Variants in AKIRIN2 observed in about 807,000 individuals in gnomAD.
AKIRIN2 encodes akirin 2, also known as akirin-2.
AKIRIN2 carries 6 observed loss-of-function variants against 29.3 expected under a neutral mutation model. The ratio of observed to expected loss-of-function variants is 0.20; its 90% CI spans 0.11 to 0.40. The LOEUF is 0.40. Ranked by LOEUF, AKIRIN2 falls within the 10% of genes least tolerant of loss-of-function variation. The probability of loss-of-function intolerance (pLI) is 1.00; values close to 1 mark genes in which losing one functional copy is unlikely to be tolerated. For missense variants in AKIRIN2, 210 were observed against 276.1 expected (o/e 0.76, Z 1.70); for synonymous variants, 128 against 117.5 (o/e 1.09, Z -0.58).
chr6:87,677,514 C>T (rs973469861), intron 3 of AKIRIN2, among the ~76,000 whole-genome samples: 4 of 152,094 alleles, frequency 2.6e-5, no homozygotes, highest in African/African-American at 2.4e-5. Flanking sequence ...TTGATGGTAA[C>T]GTTATGAAAA....
intron 1 of AKIRIN2, among the ~76,000 whole-genome samples, chr6:87,687,724 G>T (rs970014744): frequency 1.3e-5 from 2 of 152,198 alleles, no homozygotes. Context: ...GCAGGTAAAT[G>T]TAAGTTTTAC....
chr6:87,675,290 A>C lies in AKIRIN2; in HGVS notation c.*307T>G. ...ACAGTTTTATTTACACAACCAGTGA[A>C]GGGCATGTTCTAGAATACCAGCTTT... is the stretch of plus-strand genomic sequence containing the variant. On this transcript the variant is annotated 3_prime_UTR_variant, in exon 5 of 5. Transcript: ENST00000257787. 1 of 404,010 alleles carries C rather than the reference A, an allele frequency of 2.5e-6. No homozygotes were observed. The highest frequency in any genetic ancestry group is 3.9e-5 in the Admixed American group (1 of 25,592). The allele number at this position is 404,010 out of a possible 1,614,324, so 25.0% of individuals were successfully genotyped here. A position where few individuals can be genotyped will look rare whatever the true frequency, so the allele number is the denominator to read the frequency against.
rs112811646 is a variant in AKIRIN2, at chr6:87,678,137, C to A, written c.380-170G>T. Among the ~76,000 whole-genome samples the A allele has an allele frequency of 7.2e-5, 11 of 152,248 alleles. 1 individual carries two copies. The highest frequency in any genetic ancestry group is 2.6e-4 in the African/African-American group (11 of 41,532). The stretch of plus-strand genomic sequence containing the variant: ...TCTTAAAACAACCAAAATAATAATT[C>A]CATCAGCTGGTGACGCTGGAAAAAC... On this transcript the variant is annotated intron_variant, in intron 2 of 4. Transcript: ENST00000257787.
rs769049300 is a variant in AKIRIN2 at position 87,675,570 on chromosome 6, G to A, written c.*27C>T. ...TTGCAACAACTCAACAAGGAACAAG[G>A]CAGCCCACAAATGCAGGATACGTGA... On this transcript the variant is annotated 3_prime_UTR_variant, in exon 5 of 5. Transcript: ENST00000257787. 38 of 1,613,730 alleles carry A rather than the reference G, an allele frequency of 2.4e-5. No individual in the cohort carries two copies. The highest frequency in any genetic ancestry group is 3.2e-5 in the Non-Finnish European group (38 of 1,179,814).
intron 1 of AKIRIN2, among the ~76,000 whole-genome samples, chr6:87,696,024 A>T (rs1433976308): frequency 6.6e-6 from 1 of 151,958 alleles, no homozygotes; most frequent in Admixed American, 6.6e-5. Context: ...ACAAAAAAAT[A>T]CAAAAATTAG....
intron 1 of AKIRIN2, among the ~76,000 whole-genome samples, chr6:87,695,753 T>A (rs990529468): frequency 1.3e-5 from 2 of 152,228 alleles, no homozygotes; most frequent in Non-Finnish European, 2.9e-5. Context: ...ATTCTTCTTT[T>A]ATAAAGAGAA....
chr6:87,678,197 G>C (rs577776206), intron 2 of AKIRIN2, among the ~76,000 whole-genome samples: 4 of 152,180 alleles, frequency 2.6e-5, no homozygotes, highest in Non-Finnish European at 5.9e-5. Flanking sequence ...AAAGACTAAA[G>C]GTGAGTAGAA....
chr6:87,687,413 T>TG (rs1320004790), intron 1 of AKIRIN2, among the ~76,000 whole-genome samples: 1 of 102,536 alleles, frequency 9.8e-6, no homozygotes, highest in Non-Finnish European at 1.8e-5. Flanking sequence ...CACTCCAGCC[T>TG]GGGCAACAAG....
intron 1 of AKIRIN2, among the ~76,000 whole-genome samples, chr6:87,694,861 A>T (rs1055919701): frequency 3.9e-5 from 6 of 152,228 alleles, no homozygotes; most frequent in Non-Finnish European, 8.8e-5. Flanking sequence ...CACCAAAAAT[A>T]TTACAAAATC....
rs1770951892 is a variant in AKIRIN2 at position 87,675,415 on chromosome 6, GTAC to G, written c.*179_*181del. 1.4e-6 allele frequency: 1 copy of G among 715,678 alleles called. No homozygotes were observed. Among genetic ancestry groups the G allele is most frequent in the East Asian group, 2.7e-5 (1 of 37,040 alleles). The allele number at this position is 715,678 out of a possible 1,614,324, so 44.3% of individuals were successfully genotyped here. On this transcript the variant is annotated 3_prime_UTR_variant, in exon 5 of 5. Coordinates refer to ENST00000257787, the MANE Select transcript of AKIRIN2 (RefSeq NM_018064.4). ...GGTAGCAAAGGTCCACATCCAGGTGGTACTGACATCAGGGAAATTTCCAAAACC... is the reference window on the plus strand; with the variant it reads ...GGTAGCAAAGGTCCACATCCAGGTGGTGACATCAGGGAAATTTCCAAAACC...
chr6:87,699,663 A>C (rs1771426247), intron 1 of AKIRIN2, among the ~76,000 whole-genome samples: 1 of 152,214 alleles, frequency 6.6e-6, no homozygotes, highest in African/African-American at 2.4e-5. Flanking sequence ...TTTAAACTTG[A>C]GATAATGTGG....
chr6:87,686,908 T>A (rs1771197086), intron 1 of AKIRIN2, among the ~76,000 whole-genome samples: 1 of 150,756 alleles, frequency 6.6e-6, no homozygotes, highest in African/African-American at 2.4e-5. Context: ...TAGCCAGGCA[T>A]GGTGGTGGGC....
chr6:87,689,594 T>C (rs139986664), intron 1 of AKIRIN2, among the ~76,000 whole-genome samples: 2 of 152,288 alleles, frequency 1.3e-5, no homozygotes, highest in African/African-American at 4.8e-5. Context: ...ATTTAAAAAC[T>C]GGGTGGTTTT....
chr6:87,680,176 T>C (rs953914212), intron 2 of AKIRIN2, among the ~76,000 whole-genome samples: 3 of 152,208 alleles, frequency 2.0e-5, no homozygotes, highest in Non-Finnish European at 2.9e-5. Flanking sequence ...CTCACCTCTA[T>C]GTTTCAACCA....
intron 1 of AKIRIN2, among the ~76,000 whole-genome samples, chr6:87,699,754 T>G (rs905748172): frequency 6.6e-6 from 1 of 152,188 alleles, no homozygotes; most frequent in Admixed American, 6.5e-5. Context: ...TAAGTGTGCT[T>G]TAAAGGGGAG....
intron 1 of AKIRIN2, 125 bp from the exon 2 acceptor site, chr6:87,681,888 C>T (rs1771127516): frequency 2.4e-6 from 2 of 841,810 alleles, no homozygotes; most frequent in Non-Finnish European, 3.5e-6. Context: ...ATCCAGAAAA[C>T]TGACATTTTG....
chr6:87,677,035 C>A (rs1250731678), intron 3 of AKIRIN2, among the ~76,000 whole-genome samples: 2 of 151,346 alleles, frequency 1.3e-5, no homozygotes, highest in African/African-American at 4.9e-5. Flanking sequence ...CAAGACTGCG[C>A]CACTGCACTC....
chr6:87,675,512 A>T lies in AKIRIN2; in HGVS notation c.*85T>A. 2 of 1,541,924 alleles carry T rather than the reference A, an allele frequency of 1.3e-6. No individual in the cohort carries two copies. The highest frequency in any genetic ancestry group is 1.4e-5 in the African/African-American group (1 of 73,430). On this transcript the variant is annotated 3_prime_UTR_variant, in exon 5 of 5. Coordinates refer to ENST00000257787, the MANE Select transcript of AKIRIN2 (RefSeq NM_018064.4). ...AATAACCTGTATTCACAGAAGGGGT[A>T]TTGGCATTGCTGCATGTCATAATTG...
chr6:87,676,628 A>ACACACACACACACAC (rs1562395616), intron 3 of AKIRIN2, among the ~76,000 whole-genome samples: 6 of 99,968 alleles, frequency 6.0e-5, no homozygotes, highest in Middle Eastern at 4.9e-3. Context: ...CACACACACA[A>ACACACACACACACAC]ACATAGCTGG....
Sources: gnomAD v4.1 joint callset for allele counts (sites outside exome capture counted in the v4.1 genomes callset) on GRCh38, gnomAD v4.1.1 for gene constraint, MANE v1.5 for transcripts, NCBI Gene and HGNC (gene_info 2026-07-23, HGNC 2026-07-21) for gene names.